MED12L: variants seen among roughly 807,000 people sequenced by gnomAD.
MED12L encodes mediator of RNA polymerase II transcription subunit 12-like protein.
A neutral mutation model predicts 281.3 loss-of-function variants in MED12L; 60 were observed. The observed-to-expected ratio is 0.21, with a 90% confidence interval of 0.17 to 0.26. MED12L has a LOEUF of 0.26. Ranked by LOEUF, MED12L falls within the 10% of genes least tolerant of loss-of-function variation. MED12L has a pLI of 1.00. For missense variants in MED12L, 2,146 were observed against 2,680.9 expected, an observed-to-expected ratio of 0.80 and a Z score of 4.41; for synonymous variants, 974 against 987.2, an observed-to-expected ratio of 0.99 and a Z score of 0.25.
intron 16 of MED12L, among the ~76,000 whole-genome samples, chr3:151,341,961 T>C (rs1751903569): frequency 6.6e-6 from 1 of 152,228 alleles, no homozygotes; most frequent in Non-Finnish European, 1.5e-5. Context: ...CCACATTTTC[T>C]TAATCCAGTC....
chr3:151,181,620 C>T (rs142580869), intron 11 of MED12L, among the ~76,000 whole-genome samples: 3,040 of 122,104 alleles, frequency 0.025, 106 homozygotes, highest in African/African-American at 0.087. Flanking sequence ...GAGTCTCACT[C>T]TGCTGCCCAG....
chr3:151,296,174 T>A (rs1350896834), intron 16 of MED12L, among the ~76,000 whole-genome samples: 4 of 152,258 alleles, frequency 2.6e-5, no homozygotes, highest in Non-Finnish European at 5.9e-5. Context: ...AAGGCTAGGT[T>A]ACGCCTATTG....
intron 40 of MED12L, 93 bp from the exon 41 acceptor site, chr3:151,411,185 C>G (rs16863368): frequency 0.08 from 82,532 of 1,036,906 alleles, 4,205 homozygotes; most frequent in African/African-American, 0.22. Flanking sequence ...CAGGGGAGTC[C>G]TCATGGGTTT....
intron 16 of MED12L, among the ~76,000 whole-genome samples, chr3:151,334,421 TTG>T (rs1435921829): frequency 6.6e-6 from 1 of 151,572 alleles, no homozygotes; most frequent in Non-Finnish European, 1.5e-5. Context: ...AAAAAGAGAG[TTG>T]TGTTTTTTTT....
intron 5 of MED12L, among the ~76,000 whole-genome samples, chr3:151,131,645 TGATA>T (rs1007183727): frequency 3.4e-4 from 52 of 152,248 alleles, no homozygotes; most frequent in African/African-American, 1.0e-3. Context: ...AAAAACAGTT[TGATA>T]GATCTTGATA....
intron 26 of MED12L, among the ~76,000 whole-genome samples, chr3:151,370,096 T>G (rs1005789320): frequency 6.6e-6 from 1 of 152,206 alleles, no homozygotes; most frequent in Non-Finnish European, 1.5e-5. Context: ...TTCACAATAA[T>G]TTTTTTCATT....
chr3:151,294,016 T>A (rs961808296), intron 16 of MED12L: 2 of 628,274 alleles, frequency 3.2e-6, no homozygotes, highest in African/African-American at 3.7e-5. Context: ...CTCTTTGCTA[T>A]GCTTTAATGT....
At chr3:151,368,669 C>T (rs1432365764) in intron 25 of MED12L, among the ~76,000 whole-genome samples, 5 of 58,466 alleles carry the variant, frequency 8.6e-5, no homozygotes, top group Non-Finnish European at 1.8e-4. Context: ...CATTTCATTT[C>T]ATTTCATGTC....
At chr3:151,098,700 G>A (rs2870060) in intron 2 of MED12L, among the ~76,000 whole-genome samples, 3,021 of 152,034 alleles carry the variant, frequency 0.02, 97 homozygotes, top group African/African-American at 0.069. Flanking sequence ...CATCTGTAAA[G>A]ACCCTTTTTC....
chr3:151,328,415 T>A, intron 16 of MED12L: 1 of 1,613,616 alleles, frequency 6.2e-7, no homozygotes, highest in South Asian at 1.1e-5. Context: ...GAAAATAAAC[T>A]GGCATATGTT....
At chr3:151,378,926 T>C (rs1280167379) in intron 31 of MED12L, among the ~76,000 whole-genome samples, 1 of 152,244 alleles carries the variant, frequency 6.6e-6, no homozygotes, top group East Asian at 1.9e-4. Flanking sequence ...TTAAAATTCT[T>C]ATAGCAATCA....
intron 5 of MED12L, among the ~76,000 whole-genome samples, chr3:151,154,915 ATT>A (rs1394504652): frequency 6.6e-6 from 1 of 152,210 alleles, no homozygotes; most frequent in Non-Finnish European, 1.5e-5. Context: ...TCGACCTAGT[ATT>A]TGTTCGTCTT....
intron 16 of MED12L, among the ~76,000 whole-genome samples, chr3:151,286,910 T>C (rs1477196657): frequency 6.6e-6 from 1 of 152,242 alleles, no homozygotes; most frequent in African/African-American, 2.4e-5. Flanking sequence ...CATAGTTAGA[T>C]ATTGTCTGTT....
intron 16 of MED12L, chr3:151,213,587 CAAAA>C: frequency 1.9e-6 from 3 of 1,614,088 alleles, no homozygotes; most frequent in Non-Finnish European, 2.5e-6. Context: ...ACAAAACAGA[CAAAA>C]AACACAAACA....
intron 16 of MED12L, among the ~76,000 whole-genome samples, chr3:151,268,989 C>T (rs1740350880): frequency 1.3e-5 from 2 of 152,170 alleles, no homozygotes; most frequent in African/African-American, 2.4e-5. Flanking sequence ...ACTTTCCTAG[C>T]GGTGTGACCC....
At chr3:151,180,022 G>A (rs1722526840) in intron 11 of MED12L, among the ~76,000 whole-genome samples, 1 of 152,110 alleles carries the variant, frequency 6.6e-6, no homozygotes, top group Non-Finnish European at 1.5e-5. Context: ...AGTGGACATT[G>A]CATTCTTGGT....
Position 151,372,742 on chromosome 3 carries a change from T to C in MED12L, c.3840T>C (p.Tyr1280=), listed in dbSNP as rs369982334. 160 of 1,613,308 alleles carry C rather than the reference T, an allele frequency of 9.9e-5. No individual in the cohort carries two copies. The highest frequency in any genetic ancestry group is 1.3e-4 in the Non-Finnish European group (155 of 1,179,416). Residue 1280 remains tyrosine, a synonymous_variant, in exon 27 of 45, where the codon TAT becomes TAC. Coordinates refer to ENST00000687756, the MANE Select transcript of MED12L (RefSeq NM_001393769.1). ...ETANLREYAR[Y]VLRTICQQEW... is the part of the protein sequence containing the mutation. ...CCAATTTAAGAGAATACGCTAGATA[T>C]GTACTGAGGACTATCTGTCAACAGG...
At chr3:151,335,031 GA>G (rs1750801635) in intron 16 of MED12L, among the ~76,000 whole-genome samples, 1 of 152,024 alleles carries the variant, frequency 6.6e-6, no homozygotes, top group Admixed American at 6.6e-5. Context: ...ACAAACATTT[GA>G]AAAGGGGTAC....
chr3:151,396,146 ATTAT>A (rs1291460767), intron 39 of MED12L, among the ~76,000 whole-genome samples: 3 of 152,240 alleles, frequency 2.0e-5, no homozygotes, highest in Non-Finnish European at 2.9e-5. Context: ...ATGAAAAAAA[ATTAT>A]TTAATTTGCC....
Sources: gnomAD v4.1 joint callset for allele counts (sites outside exome capture counted in the v4.1 genomes callset) on GRCh38, gnomAD v4.1.1 for gene constraint, MANE v1.5 for transcripts, NCBI Gene and HGNC (gene_info 2026-07-23, HGNC 2026-07-21) for gene names.